The following GCA variants were observed in gnomAD, a reference collection of about 807,000 sequenced individuals.
GCA encodes the protein grancalcin.
A neutral mutation model predicts 32.6 loss-of-function variants in GCA; 30 were observed. The observed-to-expected ratio is 0.92, with a 90% confidence interval of 0.69 to 1.25. The LOEUF (loss-of-function observed/expected upper bound fraction) is 1.25. GCA is among the 50% of genes most tolerant of loss of function. The pLI is 0.00. For missense variants in GCA, 291 were observed against 266.8 expected (o/e 1.09, Z -0.63); for synonymous variants, 102 against 84.6 (o/e 1.21, Z -1.13).
chr2:162,322,369 T>C (rs945006649), intron 1 of GCA, among the ~76,000 whole-genome samples: 3 of 150,862 alleles, frequency 2.0e-5, no homozygotes, highest in Admixed American at 1.3e-4. Context: ...GGCTAGATTG[T>C]AATTGTTTTA....
At chr2:162,333,384 C>CT (rs542930442) in intron 1 of GCA, among the ~76,000 whole-genome samples, 36 of 152,180 alleles carry the variant, frequency 2.4e-4, no homozygotes, top group African/African-American at 8.7e-4. Context: ...AAATAATTAA[C>CT]TTTTTTTCCC....
At chr2:162,353,659 C>G (rs1685111580) in intron 3 of GCA, among the ~76,000 whole-genome samples, 2 of 152,048 alleles carry the variant, frequency 1.3e-5, no homozygotes, top group Admixed American at 6.6e-5. Context: ...TCTTTCCTGC[C>G]TGGATGTGAT....
downstream of GCA, among the ~76,000 whole-genome samples, chr2:162,372,402 C>CA (rs1173149203): frequency 1.3e-5 from 2 of 151,808 alleles, no homozygotes; most frequent in African/African-American, 2.4e-5. Flanking sequence ...AAATTTAAGA[C>CA]AAATTGGGAT....
At chr2:162,348,438 A>T (rs957599549) in intron 2 of GCA, among the ~76,000 whole-genome samples, 1 of 152,188 alleles carries the variant, frequency 6.6e-6, no homozygotes, top group African/African-American at 2.4e-5. Flanking sequence ...AGGTGAAGTT[A>T]TATCATTTAT....
At chr2:162,357,920 A>C (rs1168156384) in intron 5 of GCA, among the ~76,000 whole-genome samples, 1 of 151,722 alleles carries the variant, frequency 6.6e-6, no homozygotes, top group Non-Finnish European at 1.5e-5. Flanking sequence ...TGAGAATACT[A>C]TGGGAAAATC....
chr2:162,364,545 T>C (rs980323082), downstream of GCA, among the ~76,000 whole-genome samples: 6 of 151,558 alleles, frequency 4.0e-5, no homozygotes, highest in African/African-American at 1.5e-4. Flanking sequence ...TTGTGTTTGG[T>C]TTTTCTTTTG....
At chr2:162,328,488 C>T (rs1213703392) in intron 1 of GCA, among the ~76,000 whole-genome samples, 2 of 152,186 alleles carry the variant, frequency 1.3e-5, no homozygotes, top group African/African-American at 4.8e-5. Context: ...CACTCACACT[C>T]ACCTTCTAAG....
intron 1 of GCA, chr2:162,319,394 T>A (rs1182295934): frequency 9.4e-6 from 3 of 318,550 alleles, no homozygotes; most frequent in Non-Finnish European, 1.3e-5. Flanking sequence ...AGATCCCAGC[T>A]TGTAAGTTCC....
chr2:162,335,104 T>C (rs193255499), intron 1 of GCA, among the ~76,000 whole-genome samples: 1 of 152,060 alleles, frequency 6.6e-6, no homozygotes, highest in Non-Finnish European at 1.5e-5. Flanking sequence ...CATATCCCAC[T>C]CCCTAGCTAT....
At chr2:162,318,871 C>T (rs1683570950), upstream of GCA, 1 of 194,672 alleles carries the variant, frequency 5.1e-6, no homozygotes, top group Non-Finnish European at 1.1e-5. Context: ...CCAAGACCAA[C>T]GCTCTAGCAA....
chr2:162,327,671 G>A (rs1427685404), intron 1 of GCA, among the ~76,000 whole-genome samples: 1 of 152,168 alleles, frequency 6.6e-6, no homozygotes, highest in African/African-American at 2.4e-5. Context: ...AGAGGGGAAA[G>A]GGTAAGGAGA....
chr2:162,356,156 C>T (rs1006009826), intron 3 of GCA, among the ~76,000 whole-genome samples: 1 of 151,988 alleles, frequency 6.6e-6, no homozygotes, highest in Non-Finnish European at 1.5e-5. Context: ...TGGGTGAAGC[C>T]AAGTGCTTTA....
chr2:162,342,792 T>C (rs1684493647), upstream of GCA, among the ~76,000 whole-genome samples: 3 of 152,244 alleles, frequency 2.0e-5, no homozygotes, highest in Admixed American at 2.0e-4. Context: ...TTTGAATATG[T>C]AGTTAATCCG....
At chr2:162,363,729 ATC>A (rs1685667033), downstream of GCA, among the ~76,000 whole-genome samples, 1 of 151,448 alleles carries the variant, frequency 6.6e-6, no homozygotes, top group Admixed American at 6.6e-5. Flanking sequence ...TTCCTGCCAT[ATC>A]TCTTTCTACT....
At chr2:162,336,015 A>C (rs1319296392) in intron 1 of GCA, among the ~76,000 whole-genome samples, 1 of 152,240 alleles carries the variant, frequency 6.6e-6, no homozygotes, top group Non-Finnish European at 1.5e-5. Flanking sequence ...TATTATCTGC[A>C]TAATGTGCTT....
chr2:162,344,099 G>T (rs371966041), upstream of GCA: 1 of 767,138 alleles, frequency 1.3e-6, no homozygotes, highest in Admixed American at 2.1e-5. Flanking sequence ...GCCTGCGGAA[G>T]GGGGCGGGTT....
chr2:162,335,041 C>CCCAAAGG (rs1684223312), intron 1 of GCA, among the ~76,000 whole-genome samples: 1 of 152,170 alleles, frequency 6.6e-6, no homozygotes, highest in Non-Finnish European at 1.5e-5. Flanking sequence ...TTGGGTAGGA[C>CCCAAAGG]TGACCCCTTT....
intron 1 of GCA, among the ~76,000 whole-genome samples, chr2:162,336,128 A>C (rs1363675121): frequency 6.6e-6 from 1 of 152,190 alleles, no homozygotes; most frequent in Non-Finnish European, 1.5e-5. Context: ...TGTTATTGTA[A>C]TACTACGATA....
chr2:162,358,437 T>G (rs113053560), intron 5 of GCA, among the ~76,000 whole-genome samples: 1 of 151,486 alleles, frequency 6.6e-6, no homozygotes, highest in African/African-American at 2.4e-5. Flanking sequence ...ATCAAAGATT[T>G]TGGACATCAC....
Sources: gnomAD v4.1 joint callset for allele counts (sites outside exome capture counted in the v4.1 genomes callset) on GRCh38, gnomAD v4.1.1 for gene constraint, MANE v1.5 for transcripts, NCBI Gene and HGNC (gene_info 2026-07-23, HGNC 2026-07-21) for gene names.